RASGRP1: variants seen among roughly 807,000 people sequenced by gnomAD.
The protein encoded by RASGRP1 is RAS guanyl releasing protein 1, also known as RAS guanyl-releasing protein 1.
In RASGRP1, 37 loss-of-function variants were observed where a neutral mutation model predicts 95.1. The ratio of observed to expected loss-of-function variants is 0.39; its 90% CI spans 0.30 to 0.51. The LOEUF (loss-of-function observed/expected upper bound fraction) is 0.51, where lower values mean the gene tolerates loss of function less well. Ranked by LOEUF, RASGRP1 falls within the 20% of genes least tolerant of loss-of-function variation. The probability of loss-of-function intolerance (pLI) is 0.80; values close to 1 mark genes in which losing one functional copy is unlikely to be tolerated. For synonymous variants in RASGRP1, 325 were observed against 353.4 expected (o/e 0.92, Z 0.90); for missense variants, 711 against 965.4 (o/e 0.74, Z 3.49).
chr15:38,499,832 TAGTG>T lies in RASGRP1; in HGVS notation c.1720+267_1720+270del, dbSNP rs573923327. 3.3e-4 allele frequency among the ~76,000 whole-genome samples: 51 copies of T among 152,280 alleles called. 1 individual carries two copies. The highest frequency in any genetic ancestry group is 6.8e-3 in the Middle Eastern group (2 of 294). On this transcript the variant is annotated intron_variant, in intron 14 of 16. Coordinates refer to ENST00000310803, the MANE Select transcript of RASGRP1 (RefSeq NM_005739.4). ...GGTTACCCTCATGTTGTTCTCATGA[TAGTG>T]AGTGACTGCTCATGAGATCTGTTGG... is the stretch of plus-strand genomic sequence containing the variant.
At chr15:38,503,473 A>G (rs570056280) in intron 10 of RASGRP1, 97 bp from the exon 11 acceptor site, 1 of 937,160 alleles carries the variant, frequency 1.1e-6, no homozygotes, top group South Asian at 1.4e-5. Context: ...ACATTTATGG[A>G]CAATCTTCAA....
At chr15:38,559,207 G>A (rs1893704939) in intron 2 of RASGRP1, among the ~76,000 whole-genome samples, 1 of 152,180 alleles carries the variant, frequency 6.6e-6, no homozygotes, top group Admixed American at 6.5e-5. Context: ...CTTGATGGCT[G>A]CACTAAGCTG....
intron 3 of RASGRP1, 32 bp from the exon 4 acceptor site, chr15:38,519,403 C>A: frequency 6.9e-7 from 1 of 1,450,522 alleles, no homozygotes; most frequent in Non-Finnish European, 9.5e-7. Flanking sequence ...ATGGAGACCT[C>A]TGTTACAGAA....
At chr15:38,549,502 A>T (rs1448646493) in intron 2 of RASGRP1, among the ~76,000 whole-genome samples, 4 of 152,208 alleles carry the variant, frequency 2.6e-5, no homozygotes, top group Non-Finnish European at 4.4e-5. Context: ...AGTGAAGAGG[A>T]GACAGACATA....
intron 7 of RASGRP1, among the ~76,000 whole-genome samples, chr15:38,511,938 T>C (rs71470558): frequency 5.9e-5 from 9 of 152,200 alleles, no homozygotes; most frequent in Non-Finnish European, 1.2e-4. Context: ...CCTTTTGTTG[T>C]TGCTGATCTG....
chr15:38,528,561 C>A (rs1303936059), intron 2 of RASGRP1, among the ~76,000 whole-genome samples: 1 of 152,142 alleles, frequency 6.6e-6, no homozygotes, highest in African/African-American at 2.4e-5. Context: ...TCCATAGCAT[C>A]ACACTCTCTC....
chr15:38,524,017 G>A (rs756388260), intron 3 of RASGRP1: 2 of 152,394 alleles, frequency 1.3e-5, no homozygotes, highest in Non-Finnish European at 2.9e-5. Flanking sequence ...GCTGTGGGTG[G>A]GGACAGTGGG....
At chr15:38,541,527 G>A (rs544825501) in intron 2 of RASGRP1, among the ~76,000 whole-genome samples, 10 of 152,292 alleles carry the variant, frequency 6.6e-5, no homozygotes, top group Non-Finnish European at 1.0e-4. Context: ...GGGAAGTGGA[G>A]GCTGCACTGA....
At chr15:38,491,606 CTTA>C (rs1284010248) in intron 16 of RASGRP1, among the ~76,000 whole-genome samples, 4 of 151,972 alleles carry the variant, frequency 2.6e-5, no homozygotes. Flanking sequence ...AATATTTATT[CTTA>C]TTAATATACG....
intron 2 of RASGRP1, among the ~76,000 whole-genome samples, chr15:38,544,516 T>A (rs901818236): frequency 2.0e-5 from 3 of 152,204 alleles, no homozygotes; most frequent in African/African-American, 4.8e-5. Flanking sequence ...ATGGATTAAC[T>A]CCATATCTTG....
Position 38,489,858 on chromosome 15 carries a change from A to G in RASGRP1, c.*696T>C, listed in dbSNP as rs1890501903. On this transcript the variant is annotated 3_prime_UTR_variant, in exon 17 of 17. Transcript: ENST00000310803. The stretch of plus-strand genomic sequence containing the variant: ...GTAATAGCTATGTTTCCAGGTACCT[A>G]ATTTGATTACTTATTTTCTGATGCC... 6.6e-6 allele frequency: 1 copy of G among 152,070 alleles called. No homozygotes were observed. Among genetic ancestry groups the G allele is most frequent in the Non-Finnish European group, 1.5e-5 (1 of 67,878 alleles). 9.4% of individuals were successfully genotyped at this position (152,070 alleles called of 1,614,324 possible). A position where few individuals can be genotyped will look rare whatever the true frequency, so the allele number is the denominator to read the frequency against.
At position 38,519,305 on chromosome 15, in the gene RASGRP1, T is replaced by C. The variant is rs1291703721; in HGVS notation, c.389+4A>G. 2 of 1,521,946 alleles carry C rather than the reference T, an allele frequency of 1.3e-6. No homozygotes were observed. Among genetic ancestry groups the C allele is most frequent in the South Asian group, 1.1e-5 (1 of 88,750 alleles). The allele number at this position is 1,521,946 out of a possible 1,614,324, so 94.3% of individuals were successfully genotyped here. A position where few individuals can be genotyped will look rare whatever the true frequency, so the allele number is the denominator to read the frequency against. ...AAGTCTTGAAATACATAAAGAAACATTACCTTACAAAATAACAGATCTTCA... is the reference window on the plus strand; with the variant it reads ...AAGTCTTGAAATACATAAAGAAACACTACCTTACAAAATAACAGATCTTCA... On this transcript the variant is annotated splice_donor_region_variant and intron_variant, in intron 4 of 16. Transcript: ENST00000310803.
intron 10 of RASGRP1, chr15:38,504,337 G>T: frequency 6.6e-6 from 1 of 151,826 alleles, no homozygotes; most frequent in Non-Finnish European, 1.5e-5. Context: ...TTACTCTTTT[G>T]TTATGACACT....
chr15:38,560,803 G>A (rs908598761), intron 1 of RASGRP1, among the ~76,000 whole-genome samples: 5 of 152,192 alleles, frequency 3.3e-5, no homozygotes, highest in South Asian at 2.1e-4. Context: ...CTGTGAGAGC[G>A]TTGTTCCAGC....
At position 38,509,587 on chromosome 15, in the gene RASGRP1, G is replaced by A. The variant is rs545484823; in HGVS notation, c.967-1586C>T. ...ACTAAAAATACAAAATTAACCCGGC[G>A]TGGTGGCACACGCCTGTAGTCCCAG... On this transcript the variant is annotated intron_variant, in intron 8 of 16. Coordinates refer to ENST00000310803, the MANE Select transcript of RASGRP1 (RefSeq NM_005739.4). Among the ~76,000 whole-genome samples, 7 of 152,244 alleles carry A rather than the reference G, an allele frequency of 4.6e-5. No individual in the cohort carries two copies. The South Asian group carries it at 1.0e-3, about 23-fold the overall frequency.
At chr15:38,543,855 T>C (rs979315699) in intron 2 of RASGRP1, among the ~76,000 whole-genome samples, 2 of 152,124 alleles carry the variant, frequency 1.3e-5, no homozygotes, top group African/African-American at 4.8e-5. Context: ...TTAAATTCTC[T>C]ATCTACTAAT....
At chr15:38,555,490 G>T (rs1893516881) in intron 2 of RASGRP1, among the ~76,000 whole-genome samples, 1 of 152,202 alleles carries the variant, frequency 6.6e-6, no homozygotes, top group Admixed American at 6.5e-5. Flanking sequence ...CCTGAGTGTA[G>T]GAAGGCCTGT....
chr15:38,534,505 T>C (rs1017213773), intron 2 of RASGRP1: 2 of 152,252 alleles, frequency 1.3e-5, no homozygotes, highest in Non-Finnish European at 2.9e-5. Context: ...TTACTTGTAA[T>C]GGCTGGGGGA....
intron 3 of RASGRP1, among the ~76,000 whole-genome samples, chr15:38,523,014 T>C (rs1892059340): frequency 1.3e-5 from 2 of 151,438 alleles, no homozygotes; most frequent in African/African-American, 2.4e-5. Flanking sequence ...AACTAAGGCA[T>C]GGTATGGGAA....
Sources: gnomAD v4.1 joint callset for allele counts (sites outside exome capture counted in the v4.1 genomes callset) on GRCh38, gnomAD v4.1.1 for gene constraint, MANE v1.5 for transcripts, NCBI Gene and HGNC (gene_info 2026-07-23, HGNC 2026-07-21) for gene names.